Variants in MEF2A observed in about 807,000 individuals in gnomAD.
MEF2A encodes myocyte enhancer factor 2A.
In MEF2A, 28 loss-of-function variants were observed where a neutral mutation model predicts 55.8. The observed-to-expected ratio is 0.50, with a 90% CI of 0.37 to 0.69. MEF2A has a LOEUF of 0.69. Ranked by LOEUF, MEF2A falls within the 30% of genes least tolerant of loss-of-function variation. The probability of loss-of-function intolerance (pLI) is 0.00; values close to 1 mark genes in which losing one functional copy is unlikely to be tolerated. For missense variants in MEF2A, 528 were observed against 626.2 expected (o/e 0.84, Z 1.67); for synonymous variants, 239 against 227.1 (o/e 1.05, Z -0.47).
At chr15:99,620,531 T>A (rs1190087794) in intron 2 of MEF2A, among the ~76,000 whole-genome samples, 1 of 152,236 alleles carries the variant, frequency 6.6e-6, no homozygotes, top group Admixed American at 6.5e-5. Context: ...GTTCTTTTTA[T>A]GACTGTGTAG....
chr15:99,714,001 A>G lies in MEF2A; in HGVS notation c.*1230A>G, dbSNP rs2058916499. ...AAGTATTCACTGTTTAATATTTACT[A>G]TTTTGTTAAATATACTGTACTTTGG... On this transcript the variant is annotated 3_prime_UTR_variant, in exon 12 of 12. Transcript: ENST00000557942. 1.3e-5 allele frequency: 2 copies of G among 152,166 alleles called. No individual in the cohort carries two copies. Among genetic ancestry groups the G allele is most frequent in the African/African-American group, 2.4e-5 (1 of 41,430 alleles). The allele number at this position is 152,166 out of a possible 1,614,324, so 9.4% of individuals were successfully genotyped here. A position where few individuals can be genotyped will look rare whatever the true frequency, so the allele number is the denominator to read the frequency against.
chr15:99,656,071 C>T (rs1468504102), intron 4 of MEF2A, among the ~76,000 whole-genome samples: 1 of 151,982 alleles, frequency 6.6e-6, no homozygotes, highest in African/African-American at 2.4e-5. Context: ...TGTGTACTTC[C>T]GCATTCACTT....
intron 4 of MEF2A, among the ~76,000 whole-genome samples, chr15:99,652,247 C>T (rs1209034951): frequency 6.6e-6 from 1 of 152,120 alleles, no homozygotes; most frequent in African/African-American, 2.4e-5. Context: ...AATTGTTCCA[C>T]CTCAGATCAT....
At chr15:99,691,190 A>T (rs1452884593) in intron 8 of MEF2A, among the ~76,000 whole-genome samples, 10 of 150,214 alleles carry the variant, frequency 6.7e-5, no homozygotes, top group Non-Finnish European at 1.3e-4. Context: ...GCTCCCTCCA[A>T]CAGAGACAGA....
rs1392439455 is a variant in MEF2A at position 99,715,376 on chromosome 15, A to G, written c.*2605A>G. On this transcript the variant is annotated 3_prime_UTR_variant, in exon 12 of 12. Transcript: ENST00000557942. ...TTTCTTTCTATGCAGGTTTATAATC[A>G]GTACAACTACTGTTTTCTAAAATAC... The G allele has an allele frequency of 6.6e-6, 1 of 152,240 alleles. No homozygotes were observed. Among genetic ancestry groups the G allele is most frequent in the Admixed American group, 6.5e-5 (1 of 15,286 alleles). The allele number at this position is 152,240 out of a possible 1,614,324, so 9.4% of individuals were successfully genotyped here.
chr15:99,617,084 C>G (rs2040321759), intron 2 of MEF2A, among the ~76,000 whole-genome samples: 1 of 152,260 alleles, frequency 6.6e-6, no homozygotes, highest in East Asian at 1.9e-4. Context: ...ATTGCTTGCT[C>G]TTCTTTGAAT....
At chr15:99,587,039 T>A (rs990575484) in intron 1 of MEF2A, among the ~76,000 whole-genome samples, 1 of 152,182 alleles carries the variant, frequency 6.6e-6, no homozygotes, top group Non-Finnish European at 1.5e-5. Context: ...TAAAATCAGG[T>A]AGTGTAAATC....
At chr15:99,571,641 A>C (rs1427352310) in intron 1 of MEF2A, among the ~76,000 whole-genome samples, 1 of 152,162 alleles carries the variant, frequency 6.6e-6, no homozygotes, top group East Asian at 1.9e-4. Context: ...ACTTCTCTTG[A>C]GTTTGATATT....
At position 99,683,370 on chromosome 15, in the gene MEF2A, A is replaced by G. The variant is rs186481267; in HGVS notation, c.671-6871A>G. 2.0e-5 allele frequency among the ~76,000 whole-genome samples: 3 copies of G among 152,282 alleles called. No individual in the cohort carries two copies. In the East Asian group the frequency reaches 5.8e-4, roughly 29 times the overall value. ...GAAACAAGAGGAATTGGGTGAGGGT[A>G]AGGAAGAAAAAACCACACTAATCAT... On this transcript the variant is annotated intron_variant, in intron 7 of 11. Coordinates refer to ENST00000557942, the MANE Select transcript of MEF2A (RefSeq NM_001319206.4).
intron 1 of MEF2A, among the ~76,000 whole-genome samples, chr15:99,586,608 A>G (rs748107181): frequency 6.6e-6 from 1 of 152,006 alleles, no homozygotes; most frequent in Non-Finnish European, 1.5e-5. Context: ...TGTTGTGAAT[A>G]TTTTTATCCC....
chr15:99,677,945 G>A (rs376428752), intron 7 of MEF2A, among the ~76,000 whole-genome samples: 4 of 152,188 alleles, frequency 2.6e-5, no homozygotes, highest in East Asian at 1.9e-4. Flanking sequence ...GATCTCATAC[G>A]TGCTTTTGTG....
intron 8 of MEF2A, among the ~76,000 whole-genome samples, chr15:99,701,717 A>G (rs569778010): frequency 1.6e-4 from 25 of 152,386 alleles, no homozygotes; most frequent in African/African-American, 5.8e-4. Flanking sequence ...AGTTTAAAAT[A>G]TATACATACA....
intron 2 of MEF2A, among the ~76,000 whole-genome samples, chr15:99,606,820 T>C (rs1017745392): frequency 6.6e-6 from 1 of 152,172 alleles, no homozygotes; most frequent in Non-Finnish European, 1.5e-5. Flanking sequence ...TTAATTTCTT[T>C]TCATGGGTAT....
intron 8 of MEF2A, among the ~76,000 whole-genome samples, chr15:99,693,416 C>G (rs183921037): frequency 6.6e-6 from 1 of 152,184 alleles, no homozygotes; most frequent in Non-Finnish European, 1.5e-5. Flanking sequence ...CACACACATG[C>G]ACGCATGCAC....
At chr15:99,635,645 A>G (rs2043673857) in intron 3 of MEF2A, among the ~76,000 whole-genome samples, 1 of 152,066 alleles carries the variant, frequency 6.6e-6, no homozygotes, top group Non-Finnish European at 1.5e-5. Context: ...TTCTAACACT[A>G]TAGATTAATT....
Position 99,649,329 on chromosome 15 carries a change from T to G in MEF2A, c.258+3565T>G, listed in dbSNP as rs147210978. Among the ~76,000 whole-genome samples, 3 of 152,320 alleles carry G rather than the reference T, an allele frequency of 2.0e-5. No homozygotes were observed. The East Asian group carries it at 5.8e-4, about 29-fold the overall frequency. ...TAAGATTCATAAGAGACTTCATAACTCAATTTCTCTGAAATGAAGAATATC... is the reference window on the plus strand; with the variant it reads ...TAAGATTCATAAGAGACTTCATAACGCAATTTCTCTGAAATGAAGAATATC... On this transcript the variant is annotated intron_variant, in intron 4 of 11. Transcript: ENST00000557942.
rs139572532 is a variant in MEF2A at position 99,627,193 on chromosome 15, T to TA, written c.-142-5784dup. Among the ~76,000 whole-genome samples the TA allele has an allele frequency of 4.9e-3, 751 of 151,888 alleles. 6 individuals are homozygous for TA. The highest frequency in any genetic ancestry group is 0.017 in the African/African-American group (711 of 41,414). ...AGATAGTAAGGAACACGAAGTGGGT[T>TA]AGGGCCAGTGAAAAAGTGGGAGTTT... is the stretch of plus-strand genomic sequence containing the variant. On this transcript the variant is annotated intron_variant, in intron 2 of 11. Transcript: ENST00000557942.
chr15:99,590,759 T>C (rs1409683090), intron 1 of MEF2A, among the ~76,000 whole-genome samples: 1 of 152,050 alleles, frequency 6.6e-6, no homozygotes, highest in Non-Finnish European at 1.5e-5. Context: ...GTAGTGCACT[T>C]CCAGTTTCCT....
intron 4 of MEF2A, among the ~76,000 whole-genome samples, chr15:99,662,307 A>G (rs542211894): frequency 7.1e-4 from 108 of 152,292 alleles, no homozygotes; most frequent in African/African-American, 2.5e-3. Context: ...ATATTTCACA[A>G]TTTTTAAAAA....
Sources: gnomAD v4.1 joint callset for allele counts (sites outside exome capture counted in the v4.1 genomes callset) on GRCh38, gnomAD v4.1.1 for gene constraint, MANE v1.5 for transcripts, NCBI Gene and HGNC (gene_info 2026-07-23, HGNC 2026-07-21) for gene names.